Variants in LVRN observed in about 807,000 individuals in gnomAD.
LVRN encodes laeverin.
In LVRN, 99 loss-of-function variants were observed where a neutral mutation model predicts 111.4. That is an observed-to-expected ratio of 0.89 (90% confidence interval 0.76 to 1.05). The LOEUF is 1.05. LVRN is among the 50% of genes least tolerant of loss of function. The pLI is 0.00. For missense variants in LVRN, 1,414 were observed against 1,206.8 expected, an observed-to-expected ratio of 1.17 and a Z score of -2.54; for synonymous variants, 488 against 449.5, an observed-to-expected ratio of 1.09 and a Z score of -1.08.
In LVRN at chr5:115,983,289, C is replaced by T; in HGVS notation, c.698C>T (p.Ala233Val). Residue 233 changes from alanine to valine, a missense_variant and splice_region_variant, in exon 2 of 20, where the codon GCC (alanine) becomes GTC (valine). Coordinates refer to ENST00000357872, the MANE Select transcript of LVRN (RefSeq NM_173800.5). ...AATTTCCCCAAAATGTATTTCAGGG[C>T]CCTGTTAGCGTCCCAGCTGGAACCA... ...NVYTDQGERR[A>V]LLASQLEPTF... 6.3e-7 allele frequency: 1 copy of T among 1,578,602 alleles called. No individual in the cohort carries two copies. The highest frequency in any genetic ancestry group is 8.6e-7 in the Non-Finnish European group (1 of 1,168,644).
intron 1 of LVRN, among the ~76,000 whole-genome samples, chr5:115,978,311 C>A (rs1753488982): frequency 1.3e-5 from 2 of 152,158 alleles, no homozygotes; most frequent in Non-Finnish European, 2.9e-5. Context: ...GCTGAGCAGT[C>A]CTCTCTGGGA....
At position 115,987,868 on chromosome 5, in the gene LVRN, T is replaced by G. The variant is rs1352100540; in HGVS notation, c.1034T>G (p.Leu345Trp). 1 of 1,613,556 alleles carries G rather than the reference T, an allele frequency of 6.2e-7. No individual in the cohort carries two copies. Among genetic ancestry groups the G allele is most frequent in the East Asian group, 2.2e-5 (1 of 44,828 alleles). ...AIANGSADFA[L>W]NITGPIFSFL... ...GCAAATGGAAGTGCAGACTTTGCTT[T>G]GAACATCACAGGTCCCATCTTCTCT... The change falls in exon 4 of 20, where the codon TTG (leucine) becomes TGG (tryptophan). Residue 345 changes from leucine to tryptophan, a missense_variant. By Grantham distance (61) the Leu-to-Trp change is moderately conservative (BLOSUM62 -2). Transcript: ENST00000357872.
Position 116,015,719 on chromosome 5 carries a change from G to A in LVRN, c.2710G>A (p.Val904Ile). 6.2e-7 allele frequency: 1 copy of A among 1,613,622 alleles called. No individual in the cohort carries two copies. The highest frequency in any genetic ancestry group is 8.5e-7 in the Non-Finnish European group (1 of 1,179,660). The change falls in exon 18 of 20, where the codon GTC (valine) becomes ATC (isoleucine). Residue 904 changes from valine (V) to isoleucine (I), a missense_variant. Coordinates refer to ENST00000357872, the MANE Select transcript of LVRN (RefSeq NM_173800.5). ...GGCTTCATCTGAAGTTGGCCGGTAT[G>A]TCGCAAAAGACTTCTTAGTCAACAA... ...VVASSEVGRY[V>I]AKDFLVNNWQ...
intron 19 of LVRN, 57 bp downstream of exon 19, chr5:116,022,523 A>C: frequency 8.5e-7 from 1 of 1,180,232 alleles, no homozygotes; most frequent in Non-Finnish European, 1.2e-6. Flanking sequence ...CTTTTTATGC[A>C]ATTTGGACTT....
chr5:115,997,467 C>A (rs192338123), intron 6 of LVRN, among the ~76,000 whole-genome samples: 1 of 152,194 alleles, frequency 6.6e-6, no homozygotes, highest in African/African-American at 2.4e-5. Context: ...AGTTTAAGAC[C>A]AGCCTGGGCA....
In LVRN at chr5:115,965,186, G is replaced by A. The variant is rs564873960; in HGVS notation, c.695+1874G>A. ...AGTGGTAACTGCTATCCTTAGGTTG[G>A]ATTATCATTATGATCAGCTTCCTTG... On this transcript the variant is annotated intron_variant, in intron 1 of 19. Coordinates refer to ENST00000357872, the MANE Select transcript of LVRN (RefSeq NM_173800.5). Among the ~76,000 whole-genome samples, 69 of 152,320 alleles carry A rather than the reference G, an allele frequency of 4.5e-4. No homozygotes were observed. In the Middle Eastern group the frequency reaches 0.01, roughly 23 times the overall value.
intron 5 of LVRN, among the ~76,000 whole-genome samples, chr5:115,992,967 T>C (rs929977151): frequency 6.6e-5 from 10 of 152,238 alleles, no homozygotes; most frequent in Admixed American, 4.6e-4. Flanking sequence ...AAGAGCAGTT[T>C]ACTAGGATTG....
At chr5:115,987,609 C>T (rs1747894508) in intron 3 of LVRN, among the ~76,000 whole-genome samples, 1 of 152,142 alleles carries the variant, frequency 6.6e-6, no homozygotes, top group Non-Finnish European at 1.5e-5. Flanking sequence ...AAATAACACA[C>T]TTTCGGGGGA....
Position 115,962,624 on chromosome 5 carries a change from C to A in LVRN, c.7C>A (p.Pro3Thr). ...CCTGAACCCGGTCCCTGCCATGGGG[C>A]CCCCTTCCAGCTCAGGCTTCTATGT... MG[P>T]PSSSGFYVSR... The change falls in exon 1 of 20, where the codon CCC becomes ACC. Residue 3 changes from proline (P) to threonine (T), a missense_variant. Transcript: ENST00000357872. The A allele has an allele frequency of 6.3e-7, 1 of 1,594,034 alleles. No homozygotes were observed. Among genetic ancestry groups the A allele is most frequent in the Non-Finnish European group, 8.5e-7 (1 of 1,171,550 alleles).
intron 1 of LVRN, among the ~76,000 whole-genome samples, chr5:115,982,080 A>T (rs1159182050): frequency 6.6e-6 from 1 of 152,198 alleles, no homozygotes; most frequent in African/African-American, 2.4e-5. Context: ...GGCTCGTTCC[A>T]GTCTATGCCA....
At chr5:115,982,406 A>C (rs1580381241) in intron 1 of LVRN, among the ~76,000 whole-genome samples, 1 of 152,192 alleles carries the variant, frequency 6.6e-6, no homozygotes, top group Non-Finnish European at 1.5e-5. Flanking sequence ...AGAGACTTTA[A>C]GTCTCAGGAT....
chr5:116,005,778 T>C, intron 12 of LVRN, 134 bp from the exon 13 acceptor site: 1 of 736,128 alleles, frequency 1.4e-6, no homozygotes, highest in Non-Finnish European at 2.5e-6. Context: ...GTAATTGTTG[T>C]TTCTCTGCAG....
chr5:116,026,158 T>A lies in LVRN; in HGVS notation c.*40T>A. The A allele has an allele frequency of 6.2e-7, 1 of 1,611,502 alleles. No individual in the cohort carries two copies. The highest frequency in any genetic ancestry group is 1.1e-5 in the South Asian group (1 of 90,648). ...TCAGCACTCCTCTTGCATATTATAA[T>A]GTAGTTTGTTCACAGTTTTGTCTTC... On this transcript the variant is annotated 3_prime_UTR_variant, in exon 20 of 20. Coordinates refer to ENST00000357872, the MANE Select transcript of LVRN (RefSeq NM_173800.5).
In LVRN at chr5:116,027,120, A is replaced by G. The variant is rs939376630; in HGVS notation, c.*1002A>G. ...GGACCAACTTACTTTACACATTTTC[A>G]TCAGTCCCAATGTATGGAATTAGCT... On this transcript the variant is annotated 3_prime_UTR_variant, in exon 20 of 20. Coordinates refer to ENST00000357872, the MANE Select transcript of LVRN (RefSeq NM_173800.5). 2 of 152,236 alleles carry G rather than the reference A, an allele frequency of 1.3e-5. No individual in the cohort carries two copies. The highest frequency in any genetic ancestry group is 2.9e-5 in the Non-Finnish European group (2 of 68,036). 9.4% of individuals were successfully genotyped at this position (152,236 alleles called of 1,614,324 possible).
chr5:115,963,404 G>C, intron 1 of LVRN, 92 bp downstream of exon 1: 1 of 981,628 alleles, frequency 1.0e-6, no homozygotes, highest in Non-Finnish European at 1.5e-6. Flanking sequence ...GTCCAGGTGC[G>C]CGTCTGCTGC....
intron 2 of LVRN, 99 bp downstream of exon 2, chr5:115,983,528 T>C: frequency 2.3e-6 from 3 of 1,318,590 alleles, no homozygotes; most frequent in Non-Finnish European, 3.0e-6. Flanking sequence ...TTATGGTGTA[T>C]TATAATTACA....
chr5:115,986,226 C>A (rs1046379209), intron 3 of LVRN, among the ~76,000 whole-genome samples: 13 of 152,210 alleles, frequency 8.5e-5, no homozygotes, highest in Admixed American at 2.0e-4. Context: ...AAATATAACA[C>A]TGGCCAAGTT....
intron 1 of LVRN, among the ~76,000 whole-genome samples, chr5:115,969,659 G>T (rs1753280294): frequency 6.6e-6 from 1 of 151,978 alleles, no homozygotes; most frequent in South Asian, 2.1e-4. Flanking sequence ...AATTATCCAG[G>T]TGTGGTGGCA....
chr5:115,970,636 T>C (rs1753305176), intron 1 of LVRN, among the ~76,000 whole-genome samples: 1 of 152,138 alleles, frequency 6.6e-6, no homozygotes, highest in Non-Finnish European at 1.5e-5. Context: ...CCACTCACCT[T>C]GGCCTCCCAA....
Sources: gnomAD v4.1 joint callset for allele counts (sites outside exome capture counted in the v4.1 genomes callset) on GRCh38, gnomAD v4.1.1 for gene constraint, MANE v1.5 for transcripts, NCBI Gene and HGNC (gene_info 2026-07-23, HGNC 2026-07-21) for gene names.